POGLUT2: variants seen among roughly 807,000 people sequenced by gnomAD.
POGLUT2 encodes the protein protein O-glucosyltransferase 2.
Under a neutral mutation model 57.6 loss-of-function variants are expected in POGLUT2, and 47 were observed. The observed-to-expected ratio is 0.82, with a 90% confidence interval of 0.65 to 1.04. The LOEUF is 1.04. POGLUT2 is among the 50% of genes least tolerant of loss of function. The pLI is 0.00. For missense variants in POGLUT2, 565 were observed against 614.8 expected, an observed-to-expected ratio of 0.92 and a Z score of 0.86; for synonymous variants, 200 against 218.8, an observed-to-expected ratio of 0.91 and a Z score of 0.76.
chr13:102,798,829 C>T lies in POGLUT2; in HGVS notation c.-159G>A. The T allele has an allele frequency of 1.5e-6, 1 of 681,658 alleles. No individual in the cohort carries two copies. The highest frequency in any genetic ancestry group is 2.3e-6 in the Non-Finnish European group (1 of 431,106). The allele number at this position is 681,658 out of a possible 1,614,324, so 42.2% of individuals were successfully genotyped here. A position where few individuals can be genotyped will look rare whatever the true frequency, so the allele number is the denominator to read the frequency against. The stretch of plus-strand genomic sequence containing the variant: ...GCGTGCAGGGCAGGCGCGCGGGTCT[C>T]CGCGACCCCAGGACAATCAAAGCCC... On this transcript the variant is annotated 5_prime_UTR_variant, in exon 1 of 10. Transcript: ENST00000376004.
At chr13:102,788,398 G>A (rs1436359808) in intron 7 of POGLUT2, among the ~76,000 whole-genome samples, 1 of 152,196 alleles carries the variant, frequency 6.6e-6, no homozygotes, top group Non-Finnish European at 1.5e-5. Flanking sequence ...CATTGCTAGC[G>A]GAGGCAATGC....
rs761242405 is a variant in POGLUT2 at position 102,793,368 on chromosome 13, A to G, written c.645T>C (p.Asp215=). 6 of 1,581,090 alleles carry G rather than the reference A, an allele frequency of 3.8e-6. No individual in the cohort carries two copies. The Admixed American group carries it at 1.0e-4, about 26-fold the overall frequency. ...TTCTAGTCAAAGAAAGTAGTATGGC[A>G]TCCATGAAAATTCTAAAACCTACAT... The part of the protein sequence containing the change: ...GEHVGFRIFM[D]AILLSLTRKV... Residue 215 remains aspartate (D), a synonymous_variant, in exon 4 of 10, where the codon GAT becomes GAC. Transcript: ENST00000376004.
chr13:102,796,882 A>T lies in POGLUT2; in HGVS notation c.310T>A (p.Tyr104Asn), dbSNP rs573717053. 4.1e-5 allele frequency: 66 copies of T among 1,611,340 alleles called. 1 individual carries two copies. The South Asian group carries it at 6.9e-4, about 17-fold the overall frequency. ...DGSFIVRYRM[Y>N]ASYKNLKVEI... ...ACCTTCAGATTTTTGTAGCTTGCAT[A>T]CATTCTGTATCTTACTATGAAGGAC... The change falls in exon 2 of 10, where the codon TAT becomes AAT. Residue 104 changes from tyrosine (Y) to asparagine (N), a missense_variant. Tyr to Asn is a moderately radical substitution (Grantham distance 143). Coordinates refer to ENST00000376004, the MANE Select transcript of POGLUT2 (RefSeq NM_024089.3).
intron 4 of POGLUT2, among the ~76,000 whole-genome samples, chr13:102,792,496 A>C (rs1878218791): frequency 6.6e-6 from 1 of 152,264 alleles, no homozygotes; most frequent in Non-Finnish European, 1.5e-5. Context: ...GATATGCTGA[A>C]GTCTTAAATC....
chr13:102,789,458 G>A (rs1012843323), intron 6 of POGLUT2, among the ~76,000 whole-genome samples: 5 of 152,196 alleles, frequency 3.3e-5, no homozygotes, highest in Non-Finnish European at 7.3e-5. Flanking sequence ...TTGAAGCAGC[G>A]AATACAATCA....
At chr13:102,795,105 AGCCAG>A (rs1198483699) in intron 2 of POGLUT2, among the ~76,000 whole-genome samples, 1 of 151,782 alleles carries the variant, frequency 6.6e-6, no homozygotes, top group East Asian at 1.9e-4. Context: ...TACAAAAATT[AGCCAG>A]GTGTTGTGGC....
intron 2 of POGLUT2, 43 bp from the exon 3 acceptor site, chr13:102,793,849 C>G (rs1417909286): frequency 1.0e-5 from 16 of 1,540,242 alleles, no homozygotes; most frequent in Non-Finnish European, 1.3e-5. Flanking sequence ...GATCATTTCA[C>G]TCAGCATTCG....
chr13:102,787,109 C>T (rs570494236), intron 8 of POGLUT2, among the ~76,000 whole-genome samples: 15 of 151,890 alleles, frequency 9.9e-5, no homozygotes, highest in African/African-American at 3.6e-4. Flanking sequence ...TGCAGGGGTA[C>T]GATCTCGGCT....
chr13:102,788,348 G>A (rs1878031945), intron 7 of POGLUT2, among the ~76,000 whole-genome samples: 1 of 152,232 alleles, frequency 6.6e-6, no homozygotes, highest in Non-Finnish European at 1.5e-5. Context: ...CCTGGAGCCT[G>A]TTAGTGACTT....
intron 4 of POGLUT2, chr13:102,791,881 A>G (rs911419143): frequency 2.5e-5 from 19 of 761,830 alleles, no homozygotes; most frequent in Non-Finnish European, 3.5e-5. Context: ...TCCTTCCTCT[A>G]CTGGCAAATG....
intron 9 of POGLUT2, 40 bp downstream of exon 9, chr13:102,786,192 T>C (rs757863423): frequency 5.9e-6 from 8 of 1,349,006 alleles, no homozygotes; most frequent in Non-Finnish European, 7.4e-6. Flanking sequence ...TCAATGTTAG[T>C]TTTTACTCTG....
intron 2 of POGLUT2, 33 bp from the exon 3 acceptor site, chr13:102,793,839 G>A (rs1878277470): frequency 3.2e-6 from 5 of 1,564,300 alleles, no homozygotes; most frequent in Non-Finnish European, 4.4e-6. Flanking sequence ...GTACAACAGT[G>A]ATCATTTCAC....
intron 1 of POGLUT2, among the ~76,000 whole-genome samples, chr13:102,797,797 T>C (rs1878480934): frequency 6.6e-6 from 1 of 152,076 alleles, no homozygotes. Context: ...AGGTAGTGTA[T>C]CATCTTTTGC....
chr13:102,793,359 T>C lies in POGLUT2; in HGVS notation c.654A>G (p.Leu218=), dbSNP rs77264016. Residue 218 remains leucine, a synonymous_variant, in exon 4 of 10, where the codon CTA becomes CTG. Coordinates refer to ENST00000376004, the MANE Select transcript of POGLUT2 (RefSeq NM_024089.3). ...TACTTACCTTTCTAGTCAAAGAAAG[T>C]AGTATGGCATCCATGAAAATTCTAA... ...VGFRIFMDAI[L]LSLTRKVKMP... is the part of the protein sequence containing the mutation. 903 of 1,567,168 alleles carry C rather than the reference T, an allele frequency of 5.8e-4. 2 individuals are homozygous for C. In the African/African-American group the frequency reaches 0.011, roughly 19 times the overall value.
At chr13:102,796,507 G>A (rs1452959433) in intron 2 of POGLUT2, among the ~76,000 whole-genome samples, 2 of 150,734 alleles carry the variant, frequency 1.3e-5, no homozygotes, top group Non-Finnish European at 3.0e-5. Flanking sequence ...TATCATATAT[G>A]AGCATGAACA....
chr13:102,792,728 G>A (rs1356507146), intron 4 of POGLUT2, among the ~76,000 whole-genome samples: 2 of 152,120 alleles, frequency 1.3e-5, no homozygotes, highest in African/African-American at 4.8e-5. Context: ...ACTGACAGCA[G>A]CCAGGAAGAG....
chr13:102,792,064 G>A lies in POGLUT2; in HGVS notation c.673-634C>T. The A allele has an allele frequency of 2.3e-6, 3 of 1,288,654 alleles. No homozygotes were observed. The Admixed American group carries it at 6.9e-5, about 30-fold the overall frequency. 79.8% of individuals were successfully genotyped at this position (1,288,654 alleles called of 1,614,324 possible). A position where few individuals can be genotyped will look rare whatever the true frequency, so the allele number is the denominator to read the frequency against. On this transcript the variant is annotated intron_variant, in intron 4 of 9. Transcript: ENST00000376004. ...TCATTTTCCCATGGATTGACAAAGA[G>A]GAGCAAGAGAAGTATGACGGTACTC...
At chr13:102,796,305 A>ATAAAT (rs1555319515) in intron 2 of POGLUT2, among the ~76,000 whole-genome samples, 5 of 116,854 alleles carry the variant, frequency 4.3e-5, no homozygotes, top group African/African-American at 1.4e-4. Context: ...AAAAAAAAAA[A>ATAAAT]AAAAAAATAA....
chr13:102,795,464 G>A (rs1878342306), intron 2 of POGLUT2, among the ~76,000 whole-genome samples: 1 of 152,078 alleles, frequency 6.6e-6, no homozygotes, highest in African/African-American at 2.4e-5. Context: ...TCATGCAGCT[G>A]AGGTGGGAGG....
Sources: gnomAD v4.1 joint callset for allele counts (sites outside exome capture counted in the v4.1 genomes callset) on GRCh38, gnomAD v4.1.1 for gene constraint, MANE v1.5 for transcripts, NCBI Gene and HGNC (gene_info 2026-07-23, HGNC 2026-07-21) for gene names.